The following TSPAN4 variants were observed in gnomAD, a reference collection of about 807,000 sequenced individuals.
The protein encoded by TSPAN4 is tetraspanin 4.
In TSPAN4, 38 loss-of-function variants were observed where a neutral mutation model predicts 31.5. The ratio of observed to expected loss-of-function variants is 1.21; its 90% CI spans 0.93 to 1.58. TSPAN4 has a LOEUF of 1.58. Ranked by LOEUF, TSPAN4 falls within the 40% of genes most tolerant of loss-of-function variation. The probability of loss-of-function intolerance (pLI) is 0.00; values close to 1 mark genes in which losing one functional copy is unlikely to be tolerated. For synonymous variants in TSPAN4, 186 were observed against 144.6 expected (o/e 1.29, Z -2.06); for missense variants, 330 against 317.3 (o/e 1.04, Z -0.30).
chr11:846,643 G>A (rs1483415629), intron 1 of TSPAN4, among the ~76,000 whole-genome samples: 19 of 152,198 alleles, frequency 1.2e-4, no homozygotes, highest in Admixed American at 1.2e-3. Context: ...CACCCATGGT[G>A]GAGGAGGGCC....
At chr11:854,925 C>T (rs1847963758) in intron 3 of TSPAN4, among the ~76,000 whole-genome samples, 1 of 152,246 alleles carries the variant, frequency 6.6e-6, no homozygotes, top group Non-Finnish European at 1.5e-5. Context: ...GCCTTTGGAT[C>T]AATTGTTCGG....
chr11:860,956 G>A (rs1346450862), intron 3 of TSPAN4, among the ~76,000 whole-genome samples: 9 of 152,208 alleles, frequency 5.9e-5, no homozygotes, highest in African/African-American at 2.2e-4. Flanking sequence ...CCACGCTGCA[G>A]ACCGGGAGCT....
chr11:858,425 T>G (rs1848183552), intron 3 of TSPAN4: 1 of 153,548 alleles, frequency 6.5e-6, no homozygotes, highest in Non-Finnish European at 1.5e-5. Context: ...GGATGTCCCC[T>G]GGCACTTCTG....
At chr11:858,480 C>T in intron 3 of TSPAN4, 1 of 170,444 alleles carries the variant, frequency 5.9e-6, no homozygotes, top group Non-Finnish European at 1.3e-5. Flanking sequence ...ACACATCCAC[C>T]CTGGCTCACA....
At chr11:850,610 C>CCTTCT (rs1554989649) in intron 3 of TSPAN4, among the ~76,000 whole-genome samples, 8 of 152,030 alleles carry the variant, frequency 5.3e-5, no homozygotes, top group African/African-American at 1.9e-4. Context: ...CGCCCTGGTC[C>CCTTCT]CCTCTCCTCT....
At position 862,746 on chromosome 11, in the gene TSPAN4, G is replaced by A. The variant is rs756792172; in HGVS notation, c.255+5G>A. The A allele has an allele frequency of 1.9e-6, 3 of 1,607,554 alleles. No homozygotes were observed. The East Asian group carries it at 6.7e-5, about 36-fold the overall frequency. ...AACAAGTGCCTCCTGCTCACTGTGAGTGCCGGGGCCCAAGCGATGCTCCGG... is the reference window on the plus strand; with the variant it reads ...AACAAGTGCCTCCTGCTCACTGTGAATGCCGGGGCCCAAGCGATGCTCCGG... On this transcript the variant is annotated splice_donor_5th_base_variant and intron_variant, in intron 4 of 8. Transcript: ENST00000397397.
chr11:864,276 A>G, intron 4 of TSPAN4, 161 bp from the exon 5 acceptor site: 1 of 777,824 alleles, frequency 1.3e-6, no homozygotes, highest in Non-Finnish European at 2.1e-6. Context: ...AAGGGTTCTG[A>G]GGTGGGGGCG....
chr11:860,569 C>T (rs1334448672), intron 3 of TSPAN4, among the ~76,000 whole-genome samples: 5 of 152,174 alleles, frequency 3.3e-5, no homozygotes, highest in African/African-American at 9.6e-5. Context: ...AGGCCCCAGG[C>T]CTGTCTTGAG....
chr11:866,056 G>A, intron 8 of TSPAN4, 55 bp downstream of exon 8: 3 of 1,578,584 alleles, frequency 1.9e-6, no homozygotes, highest in African/African-American at 1.3e-5. Flanking sequence ...GACCTTCTGA[G>A]CCCAGGGAAC....
At position 850,292 on chromosome 11, in the gene TSPAN4, G is replaced by C. The variant is rs371005666; in HGVS notation, c.-13G>C. ...TCTCCTTCATCTTCCTCCTAGAACT[G>C]AAGCGCTGCGGCATGGCGCGCGCCT... is the stretch of plus-strand genomic sequence containing the variant. On this transcript the variant is annotated 5_prime_UTR_variant, in exon 3 of 9. Transcript: ENST00000397397. 6.2e-6 allele frequency: 10 copies of C among 1,606,420 alleles called. No individual in the cohort carries two copies. In the African/African-American group the frequency reaches 1.1e-4, roughly 17 times the overall value.
At chr11:866,143 G>A in intron 8 of TSPAN4, 142 bp downstream of exon 8, 1 of 854,506 alleles carries the variant, frequency 1.2e-6, no homozygotes, top group Non-Finnish European at 1.8e-6. Flanking sequence ...GAGTTCAGGG[G>A]GATGGGCAGG....
intron 5 of TSPAN4, 44 bp downstream of exon 5, chr11:864,555 T>G (rs1488618398): frequency 6.2e-7 from 1 of 1,605,094 alleles, no homozygotes; most frequent in African/African-American, 1.3e-5. Context: ...GGCTGGGGGC[T>G]CCATCCTCAC....
intron 3 of TSPAN4, chr11:862,236 GTCCCTTTGGC>G (rs144068986): frequency 0.012 from 4,613 of 381,520 alleles, 132 homozygotes; most frequent in African/African-American, 0.078. Context: ...CTAAGATCCC[GTCCCTTTGGC>G]TCCAGGCCAG....
chr11:862,421 C>T (rs1449808543), intron 3 of TSPAN4, 129 bp from the exon 4 acceptor site: 9 of 826,326 alleles, frequency 1.1e-5, no homozygotes, highest in Non-Finnish European at 1.7e-5. Context: ...TCTAGCAGGA[C>T]TCTGGGTGGT....
At chr11:850,626 C>T (rs2134000616) in intron 3 of TSPAN4, among the ~76,000 whole-genome samples, 1 of 152,328 alleles carries the variant, frequency 6.6e-6, no homozygotes, top group Middle Eastern at 3.4e-3. Context: ...CCTCTCCTCT[C>T]CTCTCCTCAC....
intron 4 of TSPAN4, 178 bp downstream of exon 4, chr11:862,919 A>G (rs1848545972): frequency 1.5e-6 from 1 of 651,422 alleles, no homozygotes; most frequent in Non-Finnish European, 2.6e-6. Flanking sequence ...TCCAGGCCAC[A>G]CTGGGGCTGG....
rs956752513 is a variant in TSPAN4, at chr11:848,777, G to C, written c.-18+1477G>C. On this transcript the variant is annotated intron_variant, in intron 2 of 8. Coordinates refer to ENST00000397397, the MANE Select transcript of TSPAN4 (RefSeq NM_003271.5). This position sits in a 1 kb window ranked among gnomAD's most constrained non-coding sequence, Gnocchi z 5.7. Reference sequence around the variant, plus strand: ...TGCTGATATCTTCCCAACACCGCAGGGCCCTTGTGCCCTGTGGTGGGGCTG... The same window carrying C: ...TGCTGATATCTTCCCAACACCGCAGCGCCCTTGTGCCCTGTGGTGGGGCTG... The C allele has an allele frequency of 9.1e-6, 5 of 549,242 alleles. No individual in the cohort carries two copies. The highest frequency in any genetic ancestry group is 1.3e-5 in the Non-Finnish European group (4 of 303,448). 34.0% of individuals were successfully genotyped at this position (549,242 alleles called of 1,614,324 possible). A position where few individuals can be genotyped will look rare whatever the true frequency, so the allele number is the denominator to read the frequency against.
chr11:864,411 CCTGT>C, intron 4 of TSPAN4, 22 bp from the exon 5 acceptor site: 1 of 1,610,540 alleles, frequency 6.2e-7, no homozygotes. Context: ...CTTTCGGGTC[CCTGT>C]CTGAGCCTGC....
At chr11:861,352 T>C (rs1240290864) in intron 3 of TSPAN4, among the ~76,000 whole-genome samples, 2 of 152,102 alleles carry the variant, frequency 1.3e-5, no homozygotes, top group Admixed American at 6.6e-5. Context: ...CGGTGGCTCA[T>C]GCCTGTAATC....
Sources: allele counts gnomAD v4.1 joint callset (sites outside exome capture counted in the v4.1 genomes callset), GRCh38; gene constraint gnomAD v4.1.1; non-coding constraint Gnocchi (gnomAD v3.1); transcripts MANE v1.5; gene names NCBI Gene and HGNC (gene_info 2026-07-23, HGNC 2026-07-21).